Variants in NOSIP observed in about 807,000 individuals in gnomAD.
NOSIP encodes the protein nitric oxide synthase interacting protein, also known as nitric oxide synthase-interacting protein.
NOSIP carries 25 observed loss-of-function variants against 36.4 expected under a neutral mutation model. That is an observed-to-expected ratio of 0.69 (90% CI 0.50 to 0.96). The LOEUF (loss-of-function observed/expected upper bound fraction) is 0.96, where lower values mean the gene tolerates loss of function less well. NOSIP is among the 40% of genes least tolerant of loss of function. The pLI, the probability that NOSIP is intolerant of heterozygous loss-of-function variation, is 0.00. For missense variants in NOSIP, 370 were observed against 429.0 expected, an observed-to-expected ratio of 0.86 and a Z score of 1.21; for synonymous variants, 187 against 179.2, an observed-to-expected ratio of 1.04 and a Z score of -0.35.
chr19:49,555,603 G>C lies in NOSIP; in HGVS notation c.*148C>G. 1 of 638,962 alleles carries C rather than the reference G, an allele frequency of 1.6e-6. No homozygotes were observed. The highest frequency in any genetic ancestry group is 2.8e-6 in the Non-Finnish European group (1 of 357,496). 39.6% of individuals were successfully genotyped at this position (638,962 alleles called of 1,614,324 possible). ...AGACCACATTCAATATGCTTAGCCC[G>C]CTCTTTCAAACTCCAGCGTGCGCTG... On this transcript the variant is annotated 3_prime_UTR_variant, in exon 9 of 9. Transcript: ENST00000596358.
chr19:49,566,386 G>A (rs983445595), intron 1 of NOSIP, among the ~76,000 whole-genome samples: 4 of 152,102 alleles, frequency 2.6e-5, no homozygotes, highest in Admixed American at 1.3e-4. Flanking sequence ...ATAGCTCGCT[G>A]CAGCCTCAAA....
intron 1 of NOSIP, among the ~76,000 whole-genome samples, chr19:49,575,284 C>A (rs2080537337): frequency 6.6e-6 from 1 of 152,208 alleles, no homozygotes. Context: ...TAGGCATGAG[C>A]CACCATGCGC....
At chr19:49,559,351 T>G in intron 3 of NOSIP, 1 of 188,706 alleles carries the variant, frequency 5.3e-6, no homozygotes, top group Non-Finnish European at 1.1e-5. Flanking sequence ...CTCCCCTCTC[T>G]ACAAAAAACA....
intron 1 of NOSIP, among the ~76,000 whole-genome samples, chr19:49,565,353 G>A (rs2080392416): frequency 6.6e-6 from 1 of 151,982 alleles, no homozygotes; most frequent in African/African-American, 2.4e-5. Flanking sequence ...TGGGAGGCTG[G>A]GAATGTTGTT....
At chr19:49,566,808 C>CATATATATATATATATATATATAT (rs1568407436) in intron 1 of NOSIP, 4 of 124,468 alleles carry the variant, frequency 3.2e-5, no homozygotes, top group African/African-American at 9.9e-5. Context: ...TATATATATA[C>CATATATATATATATATATATATAT]ACACATACTA....
At chr19:49,577,286 C>T (rs1324160934) in intron 1 of NOSIP, among the ~76,000 whole-genome samples, 5 of 152,028 alleles carry the variant, frequency 3.3e-5, no homozygotes, top group African/African-American at 7.3e-5. Flanking sequence ...AGGCGGGGCG[C>T]GGTGGCTCAT....
intron 1 of NOSIP, among the ~76,000 whole-genome samples, chr19:49,564,419 A>C (rs1490777232): frequency 1.4e-5 from 2 of 142,962 alleles, no homozygotes; most frequent in Admixed American, 1.6e-4. Flanking sequence ...ACGCCACGGC[A>C]CTCTAGCCTA....
intron 1 of NOSIP, among the ~76,000 whole-genome samples, chr19:49,565,772 AG>A: frequency 6.6e-6 from 1 of 151,076 alleles, no homozygotes; most frequent in African/African-American, 2.4e-5. Context: ...GAAAAAAAAA[AG>A]AAAGAAAGAA....
intron 1 of NOSIP, among the ~76,000 whole-genome samples, chr19:49,577,447 G>A (rs1285145883): frequency 1.3e-5 from 2 of 152,006 alleles, no homozygotes; most frequent in African/African-American, 4.8e-5. Context: ...GCCCCAGCTA[G>A]TCGGGAGGCT....
chr19:49,560,814 G>T lies in NOSIP; in HGVS notation c.-1-122C>A, dbSNP rs926902008. ...TGGGAAAGCGGAGGCGGAGAAGGGG[G>T]GTGAGGTGGAAGAGAGGGAGGGCAT... is the stretch of plus-strand genomic sequence containing the variant. On this transcript the variant is annotated intron_variant, in intron 1 of 8. Coordinates refer to ENST00000596358, the MANE Select transcript of NOSIP (RefSeq NM_001270960.2). This position sits in a 1 kb window ranked among gnomAD's most constrained non-coding sequence, Gnocchi z 4.6. The T allele has an allele frequency of 1.1e-4, 83 of 773,918 alleles. No homozygotes were observed. In the African/African-American group the frequency reaches 1.3e-3, roughly 13 times the overall value. 47.9% of individuals were successfully genotyped at this position (773,918 alleles called of 1,614,324 possible). A position where few individuals can be genotyped will look rare whatever the true frequency, so the allele number is the denominator to read the frequency against.
Position 49,557,103 on chromosome 19 carries a change from C to T in NOSIP, c.405G>A (p.Ser135=), listed in dbSNP as rs746455698. Residue 135 remains serine, a synonymous_variant, in exon 5 of 9, where the codon TCG becomes TCA. Transcript: ENST00000596358. ...AACCTGAGTCACCTGGGCTGGTGCC[C>T]GAGAGGGCCTTGGCTGTGAAAGGGT... ...PLNPFTAKAL[S]GTSPDDVQPG... is the part of the protein sequence containing the mutation. 3 of 1,611,814 alleles carry T rather than the reference C, an allele frequency of 1.9e-6. No homozygotes were observed. The highest frequency in any genetic ancestry group is 2.5e-6 in the Non-Finnish European group (3 of 1,179,028).
rs192840375 is a variant in NOSIP at position 49,558,660 on chromosome 19, A to G, written c.258+237T>C. On this transcript the variant is annotated intron_variant, in intron 4 of 8. Transcript: ENST00000596358. The stretch of plus-strand genomic sequence containing the variant: ...GTCAGACAGCCACATGTACAGCTAC[A>G]ACTATGCTAAGTGCTAAGAGAAGAG... 309 of 559,382 alleles carry G rather than the reference A, an allele frequency of 5.5e-4. 1 individual carries two copies. The highest frequency in any genetic ancestry group is 5.4e-3 in the African/African-American group (291 of 53,428). The allele number at this position is 559,382 out of a possible 1,614,324, so 34.7% of individuals were successfully genotyped here.
In NOSIP at chr19:49,556,419, AG is replaced by A; in HGVS notation, c.731del (p.Ala244ValfsTer11). 6.2e-7 allele frequency: 1 copy of A among 1,613,378 alleles called. No homozygotes were observed. Among genetic ancestry groups the A allele is most frequent in the Non-Finnish European group, 8.5e-7 (1 of 1,179,670 alleles). ...TPCAVLRPSG[A>X]VVTLECVEKL... ...TCTCCACGCATTCGAGGGTGACCAC[AG>A]CCCCACTACGGTGAGGCCGAAGGCG... On this transcript the variant is annotated frameshift_variant, in exon 8 of 9. Transcript: ENST00000596358. LOFTEE classifies it high-confidence loss of function.
Position 49,556,410 on chromosome 19 carries a change from G to C in NOSIP, c.741C>G (p.Thr247=), listed in dbSNP as rs1191050622. 2 of 1,613,614 alleles carry C rather than the reference G, an allele frequency of 1.2e-6. No individual in the cohort carries two copies. Among genetic ancestry groups the C allele is most frequent in the East Asian group, 2.2e-5 (1 of 44,862 alleles). Residue 247 remains threonine, a synonymous_variant, in exon 8 of 9, where the codon ACC becomes ACG. Transcript: ENST00000596358. The part of the protein sequence containing the change: ...AVLRPSGAVV[T]LECVEKLIRK... ...GAATCAGCTTCTCCACGCATTCGAG[G>C]GTGACCACAGCCCCACTACGGTGAG...
chr19:49,575,927 T>C (rs548097426), intron 1 of NOSIP, among the ~76,000 whole-genome samples: 16 of 152,058 alleles, frequency 1.1e-4, no homozygotes, highest in African/African-American at 3.4e-4. Flanking sequence ...GTCAGGAGAT[T>C]GAGACCATCC....
At chr19:49,572,476 A>G (rs1336477462) in intron 1 of NOSIP, among the ~76,000 whole-genome samples, 1 of 119,962 alleles carries the variant, frequency 8.3e-6, no homozygotes, top group Non-Finnish European at 1.7e-5. Flanking sequence ...AAAATAGTGC[A>G]ATCTTGGCTC....
At chr19:49,576,896 A>AT (rs1481367826) in intron 1 of NOSIP, among the ~76,000 whole-genome samples, 2 of 151,556 alleles carry the variant, frequency 1.3e-5, no homozygotes, top group African/African-American at 4.8e-5. Context: ...AAAAAAAAAA[A>AT]AAAAAAAAAA....
chr19:49,580,447 G>A (rs551205113), intron 1 of NOSIP, 68 bp downstream of exon 1: 2 of 152,196 alleles, frequency 1.3e-5, no homozygotes, highest in African/African-American at 4.8e-5. Flanking sequence ...TCTCCCTCAA[G>A]ACCCCAGGCC....
In NOSIP at chr19:49,556,725, C is replaced by T. The variant is rs4594362; in HGVS notation, c.549G>A (p.Val183=). The change falls in exon 7 of 9, where the codon GTG becomes GTA. Residue 183 remains valine (V), a synonymous_variant. Transcript: ENST00000596358. ...ATKLEKPSRT[V]TCPMSGKPLR... ...GGGGCTTCCCTGACATGGGGCAGGT[C>T]ACCGTGCGGGACTGCAAGGGGCAGA... 6.2e-7 allele frequency: 1 copy of T among 1,606,172 alleles called. No individual in the cohort carries two copies. Among genetic ancestry groups the T allele is most frequent in the Admixed American group, 1.7e-5 (1 of 59,220 alleles).
Sources: allele counts gnomAD v4.1 joint callset (sites outside exome capture counted in the v4.1 genomes callset), GRCh38; gene constraint gnomAD v4.1.1; non-coding constraint Gnocchi (gnomAD v3.1); transcripts MANE v1.5; gene names NCBI Gene and HGNC (gene_info 2026-07-23, HGNC 2026-07-21).